Variants in IKBKB observed in about 807,000 individuals in gnomAD.
The protein encoded by IKBKB is inhibitor of nuclear factor kappa-B kinase subunit beta.
In IKBKB, 42 loss-of-function variants were observed where a neutral mutation model predicts 113.6. The observed-to-expected ratio is 0.37, with a 90% CI of 0.29 to 0.48. IKBKB has a LOEUF of 0.48. Among genes scored for constraint, IKBKB ranks in the 20% least tolerant of loss-of-function variants. The pLI is 0.99. For missense variants in IKBKB, 673 were observed against 939.7 expected (o/e 0.72, Z 3.71); for synonymous variants, 296 against 361.3 (o/e 0.82, Z 2.05).
At chr8:42,317,054 G>A in intron 11 of IKBKB, 150 bp downstream of exon 11, 1 of 746,724 alleles carries the variant, frequency 1.3e-6, no homozygotes. Flanking sequence ...TTGGAGTATG[G>A]TGTCCTCTGT....
At chr8:42,298,479 C>G (rs1199068324) in intron 5 of IKBKB, 1 of 985,310 alleles carries the variant, frequency 1.0e-6, no homozygotes, top group Admixed American at 6.1e-5. Flanking sequence ...ATTCCAGGAA[C>G]TGCACATCAG....
At chr8:42,279,758 G>C (rs565964144) in intron 2 of IKBKB, among the ~76,000 whole-genome samples, 1 of 150,484 alleles carries the variant, frequency 6.6e-6, no homozygotes, top group Non-Finnish European at 1.5e-5. Context: ...TGAGGACTCA[G>C]GGGGAGGCCT....
intron 2 of IKBKB, among the ~76,000 whole-genome samples, chr8:42,273,034 G>C (rs1183992903): frequency 6.6e-6 from 1 of 152,080 alleles, no homozygotes; most frequent in African/African-American, 2.4e-5. Context: ...GCTTGTCCAG[G>C]AGTTTGAGGC....
rs185499911 is a variant in IKBKB at position 42,303,191 on chromosome 8, T to C, written c.389-1996T>C. On this transcript the variant is annotated intron_variant, in intron 5 of 21. Coordinates refer to ENST00000520810, the MANE Select transcript of IKBKB (RefSeq NM_001556.3). ...GAAACAGAGAGAATGAGAATGGTGG[T>C]GGCGGCGACGGCATACAGAGGGTTC... 1.7e-4 allele frequency among the ~76,000 whole-genome samples: 26 copies of C among 151,148 alleles called. No homozygotes were observed. In the East Asian group the frequency reaches 4.7e-3, roughly 27 times the overall value.
At chr8:42,303,088 AG>A (rs1815665263) in intron 5 of IKBKB, among the ~76,000 whole-genome samples, 9 of 129,758 alleles carry the variant, frequency 6.9e-5, no homozygotes, top group Admixed American at 1.4e-4. Context: ...AGAGAGAGAG[AG>A]AATGAGAGAG....
chr8:42,277,006 G>A (rs1479074423), intron 2 of IKBKB, among the ~76,000 whole-genome samples: 5 of 148,448 alleles, frequency 3.4e-5, no homozygotes, highest in Middle Eastern at 3.6e-3. Context: ...AGCTGGGACT[G>A]CTGGCGCCTG....
At chr8:42,289,668 A>G (rs1175712089) in intron 3 of IKBKB, among the ~76,000 whole-genome samples, 1 of 152,136 alleles carries the variant, frequency 6.6e-6, no homozygotes, top group Admixed American at 6.6e-5. Context: ...TCATGGTTCC[A>G]TTTGGTTACA....
At chr8:42,293,382 G>T in intron 4 of IKBKB, 61 bp from the exon 5 acceptor site, 2 of 1,608,270 alleles carry the variant, frequency 1.2e-6, no homozygotes. Context: ...TAAGAGACAT[G>T]TGTGGATTTC....
At chr8:42,286,395 A>G (rs1374406318) in intron 2 of IKBKB, among the ~76,000 whole-genome samples, 1 of 152,162 alleles carries the variant, frequency 6.6e-6, no homozygotes, top group Non-Finnish European at 1.5e-5. Context: ...GATCCTGGCC[A>G]GTTTGGTAAC....
chr8:42,281,223 G>A (rs1407637638), intron 2 of IKBKB, among the ~76,000 whole-genome samples: 1 of 152,112 alleles, frequency 6.6e-6, no homozygotes, highest in African/African-American at 2.4e-5. Flanking sequence ...GTACACTTTC[G>A]AGGGCCTGGC....
chr8:42,290,924 C>T (rs1217606560), intron 4 of IKBKB, among the ~76,000 whole-genome samples: 1 of 152,230 alleles, frequency 6.6e-6, no homozygotes, highest in African/African-American at 2.4e-5. Context: ...GTGCCCTCCT[C>T]CCCATTGTTC....
chr8:42,316,599 T>C lies in IKBKB; in HGVS notation c.931-111T>C. On this transcript the variant is annotated intron_variant, in intron 10 of 21. Coordinates refer to ENST00000520810, the MANE Select transcript of IKBKB (RefSeq NM_001556.3). The surrounding 1 kb of genome is among the most constrained non-coding windows in gnomAD (Gnocchi z 4.5). Reference sequence around the variant, plus strand: ...ACCTCCCTCCCTCAAGCTAGGCCCTTGCTTTGTGTGGTTGGGAAATGTTGG... The same window carrying C: ...ACCTCCCTCCCTCAAGCTAGGCCCTCGCTTTGTGTGGTTGGGAAATGTTGG... 1 of 1,082,106 alleles carries C rather than the reference T, an allele frequency of 9.2e-7. No homozygotes were observed. The highest frequency in any genetic ancestry group is 1.3e-6 in the Non-Finnish European group (1 of 756,260). The allele number at this position is 1,082,106 out of a possible 1,614,324, so 67.0% of individuals were successfully genotyped here.
intron 21 of IKBKB, chr8:42,329,477 C>T (rs568033257): frequency 1.2e-6 from 1 of 830,940 alleles, no homozygotes; most frequent in East Asian, 1.2e-4. Context: ...CGTGCGTCAC[C>T]ACATTCAGCT....
At chr8:42,322,543 C>T (rs1173071968) in intron 19 of IKBKB, 49 bp downstream of exon 19, 6 of 1,597,894 alleles carry the variant, frequency 3.8e-6, no homozygotes, top group Non-Finnish European at 5.1e-6. Context: ...GCCTCCTGTG[C>T]CTTTCCACCT....
intron 9 of IKBKB, among the ~76,000 whole-genome samples, chr8:42,315,958 C>T (rs564013109): frequency 1.4e-4 from 22 of 152,322 alleles, no homozygotes; most frequent in African/African-American, 5.1e-4. Flanking sequence ...CCACTGTGCC[C>T]GGCTCTCATG....
rs1010310621 is a variant in IKBKB, at chr8:42,274,799, C to G, written c.105+2594C>G. 2.5e-4 allele frequency among the ~76,000 whole-genome samples: 24 copies of G among 94,272 alleles called. 3 individuals are homozygous for G. The highest frequency in any genetic ancestry group is 2.2e-3 in the East Asian group (7 of 3,132). 61.8% of individuals were successfully genotyped at this position (94,272 alleles called of 152,430 possible). ...CCCCGCCGGCGCGCCCCCCCCCCCCCCCGCCATCCCAGCCTCCCAAAGTGC... is the reference window on the plus strand; with the variant it reads ...CCCCGCCGGCGCGCCCCCCCCCCCCGCCGCCATCCCAGCCTCCCAAAGTGC... On this transcript the variant is annotated intron_variant, in intron 2 of 21. Coordinates refer to ENST00000520810, the MANE Select transcript of IKBKB (RefSeq NM_001556.3).
chr8:42,282,228 C>T (rs1410009834), intron 2 of IKBKB, among the ~76,000 whole-genome samples: 3 of 152,144 alleles, frequency 2.0e-5, no homozygotes, highest in Admixed American at 6.5e-5. Flanking sequence ...CAGTAGTCCA[C>T]GCTGGAGTGC....
chr8:42,318,778 T>C lies in IKBKB; in HGVS notation c.1364+103T>C, dbSNP rs560279833. The C allele has an allele frequency of 1.7e-4, 195 of 1,132,926 alleles. No homozygotes were observed. The South Asian group carries it at 3.0e-3, about 18-fold the overall frequency. 70.2% of individuals were successfully genotyped at this position (1,132,926 alleles called of 1,614,324 possible). ...GGCAGGGACCCAGAAGCAACCGTTATGAGCAACAAAAGGAAGACACTGGTT... is the reference window on the plus strand; with the variant it reads ...GGCAGGGACCCAGAAGCAACCGTTACGAGCAACAAAAGGAAGACACTGGTT... On this transcript the variant is annotated intron_variant, in intron 13 of 21. Transcript: ENST00000520810.
At chr8:42,289,366 T>C (rs991729255) in intron 3 of IKBKB, among the ~76,000 whole-genome samples, 6 of 152,240 alleles carry the variant, frequency 3.9e-5, no homozygotes, top group African/African-American at 1.4e-4. Context: ...TCAATTTCAT[T>C]GTATTAAATA....
Sources: allele counts gnomAD v4.1 joint callset (sites outside exome capture counted in the v4.1 genomes callset), GRCh38; gene constraint gnomAD v4.1.1; non-coding constraint Gnocchi (gnomAD v3.1); transcripts MANE v1.5; gene names NCBI Gene and HGNC (gene_info 2026-07-23, HGNC 2026-07-21).